PLSCR3: variants seen among roughly 807,000 people sequenced by gnomAD.
The protein encoded by PLSCR3 is phospholipid scramblase 3.
Under a neutral mutation model 33.7 loss-of-function variants are expected in PLSCR3, and 17 were observed. The observed-to-expected ratio is 0.50, with a 90% confidence interval of 0.35 to 0.76. The LOEUF (loss-of-function observed/expected upper bound fraction) is 0.76, where lower values mean the gene tolerates loss of function less well. Ranked by LOEUF, PLSCR3 falls within the 30% of genes least tolerant of loss-of-function variation. The pLI, the probability that PLSCR3 is intolerant of heterozygous loss-of-function variation, is 0.01. For synonymous variants in PLSCR3, 166 were observed against 166.0 expected (o/e 1.00, Z 0.00); for missense variants, 360 against 394.1 (o/e 0.91, Z 0.73).
At chr17:7,392,479 T>C (rs1349065017) in intron 6 of PLSCR3, among the ~76,000 whole-genome samples, 2 of 152,212 alleles carry the variant, frequency 1.3e-5, no homozygotes, top group East Asian at 3.8e-4. Context: ...AGCAGCCACA[T>C]GGGCCCGGCC....
chr17:7,393,922 G>A (rs1297312403), intron 2 of PLSCR3, 86 bp from the exon 3 acceptor site: 57 of 1,108,898 alleles, frequency 5.1e-5, no homozygotes, highest in Non-Finnish European at 6.9e-5. Context: ...GCGAGGCTTC[G>A]GGGGAAACGT....
In PLSCR3 at chr17:7,391,267, G is replaced by A. The variant is rs1022371720; in HGVS notation, c.670-472C>T. On this transcript the variant is annotated intron_variant, in intron 6 of 7. Transcript: ENST00000619711. The surrounding 1 kb of genome is among the most constrained non-coding windows in gnomAD (Gnocchi z 4.1). ...CTGGCTGTACTTCACCAGTCAAGAAGGCTCCTAGAAGGCTATGTCTACCCC... is the reference window on the plus strand; with the variant it reads ...CTGGCTGTACTTCACCAGTCAAGAAAGCTCCTAGAAGGCTATGTCTACCCC... Among the ~76,000 whole-genome samples, 2 of 152,214 alleles carry A rather than the reference G, an allele frequency of 1.3e-5. No individual in the cohort carries two copies. The highest frequency in any genetic ancestry group is 4.8e-5 in the African/African-American group (2 of 41,460).
chr17:7,390,629 C>CT lies in PLSCR3; in HGVS notation c.831+4dup. On this transcript the variant is annotated splice_donor_region_variant and intron_variant, in intron 7 of 7. Transcript: ENST00000619711. ...AGGAGGTGGGGGCAGGGGCAGCCAA[C>CT]TCACAATGAGGAATGTGGCTCCCAG... is the stretch of plus-strand genomic sequence containing the variant. The CT allele has an allele frequency of 1.9e-6, 3 of 1,613,856 alleles. No homozygotes were observed. The highest frequency in any genetic ancestry group is 2.5e-6 in the Non-Finnish European group (3 of 1,179,768).
chr17:7,393,845 C>T lies in PLSCR3; in HGVS notation c.8-9G>A. On this transcript the variant is annotated splice_polypyrimidine_tract_variant and intron_variant, in intron 2 of 7. Coordinates refer to ENST00000619711, the MANE Select transcript of PLSCR3 (RefSeq NM_020360.4). ...TTTGGGGGGCAAGTAGCCTGTAAAGCGGTGGGAGCAGGATAGATTAGAAAG... is the reference window on the plus strand; with the variant it reads ...TTTGGGGGGCAAGTAGCCTGTAAAGTGGTGGGAGCAGGATAGATTAGAAAG... 6.9e-7 allele frequency: 1 copy of T among 1,445,696 alleles called. No homozygotes were observed. Among genetic ancestry groups the T allele is most frequent in the Non-Finnish European group, 9.3e-7 (1 of 1,074,524 alleles). 89.6% of individuals were successfully genotyped at this position (1,445,696 alleles called of 1,614,324 possible).
rs754900459 is a variant in PLSCR3, at chr17:7,394,063, T to G, written c.7+41A>C. ...TGTTCAAACCCGGCTCCCAAGTCCG[T>G]GGGGGGGATAACGGAGACCCCCAGA... On this transcript the variant is annotated intron_variant, in intron 2 of 7. Coordinates refer to ENST00000619711, the MANE Select transcript of PLSCR3 (RefSeq NM_020360.4). The surrounding 1 kb of genome is among the most constrained non-coding windows in gnomAD (Gnocchi z 5.3). 2.5e-6 allele frequency: 4 copies of G among 1,604,378 alleles called. No individual in the cohort carries two copies. Among genetic ancestry groups the G allele is most frequent in the Non-Finnish European group, 3.4e-6 (4 of 1,174,122 alleles).
intron 6 of PLSCR3, among the ~76,000 whole-genome samples, chr17:7,392,413 T>C (rs1905781566): frequency 6.6e-6 from 1 of 152,158 alleles, no homozygotes; most frequent in Non-Finnish European, 1.5e-5. Context: ...GGCCACAGGA[T>C]GTTAACATGT....
In PLSCR3 at chr17:7,393,314, C is replaced by G; in HGVS notation, c.337G>C (p.Gly113Arg). The G allele has an allele frequency of 6.2e-7, 1 of 1,611,556 alleles. No homozygotes were observed. Among genetic ancestry groups the G allele is most frequent in the Non-Finnish European group, 8.5e-7 (1 of 1,179,860 alleles). The change falls in exon 5 of 8, where the codon GGG (glycine) becomes CGG (arginine). Residue 113 changes from glycine to arginine, a missense_variant. By Grantham distance (125) the Gly-to-Arg change is moderately radical. Coordinates refer to ENST00000619711, the MANE Select transcript of PLSCR3 (RefSeq NM_020360.4). ...TCGGCCGCCTGACCCAGGGGCTGCC[C>G]GGCCCCAGAGCGCAGTTCATACCGA... ...CNRYELRSGAGQPLGQAAEES... is the reference protein window; with the variant it reads ...CNRYELRSGARQPLGQAAEES...
At chr17:7,392,722 A>C (rs1232511262) in intron 6 of PLSCR3, 69 bp downstream of exon 6, 13 of 1,460,496 alleles carry the variant, frequency 8.9e-6, no homozygotes, top group African/African-American at 1.4e-5. Flanking sequence ...CTTAATGTTA[A>C]CTATCCTGCC....
rs8075287 is a variant in PLSCR3, at chr17:7,391,752, T to C, written c.670-957A>G. Among the ~76,000 whole-genome samples, 107,430 of 152,184 alleles carry C rather than the reference T, an allele frequency of 0.71. 40,226 individuals carry two copies. Among genetic ancestry groups the C allele is most frequent in the Non-Finnish European group, 0.85 (58,001 of 68,012 alleles). The stretch of plus-strand genomic sequence containing the variant: ...TCTTATTCCCAATTGGTTCTCATCA[T>C]GGAATCTCCCTCTGGCTACCAAGGT... On this transcript the variant is annotated intron_variant, in intron 6 of 7. Transcript: ENST00000619711. This position sits in a 1 kb window ranked among gnomAD's most constrained non-coding sequence, Gnocchi z 4.1.
In PLSCR3 at chr17:7,393,128, C is replaced by A. The variant is rs765184638; in HGVS notation, c.507+16G>T. On this transcript the variant is annotated intron_variant, in intron 5 of 7. Transcript: ENST00000619711. ...CCCACCAAGGCCCGCCCTCCCGGCC[C>A]CCTCCCTCCGCCCACCTCCTGGAGG... The A allele has an allele frequency of 6.2e-6, 9 of 1,443,312 alleles. No individual in the cohort carries two copies. The highest frequency in any genetic ancestry group is 8.2e-6 in the Non-Finnish European group (9 of 1,102,992). 89.4% of individuals were successfully genotyped at this position (1,443,312 alleles called of 1,614,324 possible).
chr17:7,394,278 G>A lies in PLSCR3; in HGVS notation c.-157-11C>T, dbSNP rs1023046377. On this transcript the variant is annotated splice_polypyrimidine_tract_variant and intron_variant, in intron 1 of 7. Coordinates refer to ENST00000619711, the MANE Select transcript of PLSCR3 (RefSeq NM_020360.4). The surrounding 1 kb of genome is among the most constrained non-coding windows in gnomAD (Gnocchi z 5.3). The stretch of plus-strand genomic sequence containing the variant: ...TCTTGGGCGGCGCCTCTGACTCGGG[G>A]AGAAACCCAAGTGTCAGTGGGCGGG... 13 of 603,732 alleles carry A rather than the reference G, an allele frequency of 2.2e-5. No individual in the cohort carries two copies. The highest frequency in any genetic ancestry group is 3.0e-5 in the Admixed American group (1 of 33,392). 37.4% of individuals were successfully genotyped at this position (603,732 alleles called of 1,614,324 possible). A position where few individuals can be genotyped will look rare whatever the true frequency, so the allele number is the denominator to read the frequency against.
Position 7,394,118 on chromosome 17 carries a change from G to A in PLSCR3, c.-8C>T, listed in dbSNP as rs1305553989. On this transcript the variant is annotated 5_prime_UTR_variant, in exon 2 of 8. Transcript: ENST00000619711. The surrounding 1 kb of genome is among the most constrained non-coding windows in gnomAD (Gnocchi z 5.3). Reference sequence around the variant, plus strand: ...CGCGCACTTACCTGCCATGGGAGAAGGGCTGGGGTTTTCGAGATGATGGTG... The same window carrying A: ...CGCGCACTTACCTGCCATGGGAGAAAGGCTGGGGTTTTCGAGATGATGGTG... The A allele has an allele frequency of 6.2e-7, 1 of 1,613,456 alleles. No homozygotes were observed. Among genetic ancestry groups the A allele is most frequent in the East Asian group, 2.2e-5 (1 of 44,864 alleles).
At position 7,393,272 on chromosome 17, in the gene PLSCR3, C is replaced by G. The variant is rs761612327; in HGVS notation, c.379G>C (p.Ala127Pro). Residue 127 changes from alanine to proline, a missense_variant, in exon 5 of 8, where the codon GCC (alanine) becomes CCC (proline). Physicochemically the swap from Ala to Pro is conservative, Grantham distance 27. Transcript: ENST00000619711. ...CGGCGGGCGCCACAGCACAGACGGG[C>G]GCAGCAGTTGCTCTCCTCGGCCGCC... ...GQAAEESNCC[A>P]RLCCGARRPL... is the part of the protein sequence containing the mutation. The G allele has an allele frequency of 8.1e-6, 13 of 1,606,272 alleles. No homozygotes were observed. The highest frequency in any genetic ancestry group is 1.7e-6 in the Non-Finnish European group (2 of 1,179,328).
chr17:7,394,214 A>T lies in PLSCR3; in HGVS notation c.-104T>A. The T allele has an allele frequency of 8.7e-7, 1 of 1,148,848 alleles. No individual in the cohort carries two copies. Among genetic ancestry groups the T allele is most frequent in the Non-Finnish European group, 1.3e-6 (1 of 781,500 alleles). The allele number at this position is 1,148,848 out of a possible 1,614,324, so 71.2% of individuals were successfully genotyped here. The stretch of plus-strand genomic sequence containing the variant: ...CAGACAGACACAGAGACAGACACAA[A>T]GACGGAGAGGCAGCTGCGCCCGGCG... On this transcript the variant is annotated 5_prime_UTR_variant, in exon 2 of 8. Transcript: ENST00000619711. The surrounding 1 kb of genome is among the most constrained non-coding windows in gnomAD (Gnocchi z 5.3).
rs373150040 is a variant in PLSCR3 at position 7,394,517 on chromosome 17, G to A, written c.-198C>T. The A allele has an allele frequency of 6.5e-4, 109 of 166,636 alleles. 1 individual carries two copies. In the East Asian group the frequency reaches 0.016, roughly 25 times the overall value. The allele number at this position is 166,636 out of a possible 1,614,324, so 10.3% of individuals were successfully genotyped here. On this transcript the variant is annotated 5_prime_UTR_variant, in exon 1 of 8. Transcript: ENST00000619711. This position sits in a 1 kb window ranked among gnomAD's most constrained non-coding sequence, Gnocchi z 5.3. ...GAGCCCGGGTGCCTAGCACTCGGCA[G>A]CTCACAGGAGCTGGCGGAGGCGGAG...
intron 4 of PLSCR3, 44 bp from the exon 5 acceptor site, chr17:7,393,408 C>T (rs1567652593): frequency 6.2e-7 from 1 of 1,613,394 alleles, no homozygotes; most frequent in Non-Finnish European, 8.5e-7. Flanking sequence ...CTCGCGCGCC[C>T]AGGAGCCCAC....
rs1597689606 is a variant in PLSCR3 at position 7,390,233 on chromosome 17, G to T, written c.*152C>A. ...CATACCCCTCCTTGGGAACCACAGGGGCAGGCGGCCAGGGAGTAGGGTAGG... is the reference window on the plus strand; with the variant it reads ...CATACCCCTCCTTGGGAACCACAGGTGCAGGCGGCCAGGGAGTAGGGTAGG... On this transcript the variant is annotated 3_prime_UTR_variant, in exon 8 of 8. Transcript: ENST00000619711. 3 of 581,308 alleles carry T rather than the reference G, an allele frequency of 5.2e-6. No homozygotes were observed. The East Asian group carries it at 8.5e-5, about 16-fold the overall frequency. The allele number at this position is 581,308 out of a possible 1,614,324, so 36.0% of individuals were successfully genotyped here. A position where few individuals can be genotyped will look rare whatever the true frequency, so the allele number is the denominator to read the frequency against.
intron 7 of PLSCR3, 63 bp from the exon 8 acceptor site, chr17:7,390,504 C>T: frequency 6.4e-7 from 1 of 1,566,500 alleles, no homozygotes; most frequent in South Asian, 1.2e-5. Flanking sequence ...CTGTCACAGG[C>T]CAGCTCTAGA....
Position 7,392,865 on chromosome 17 carries a change from C to T in PLSCR3, c.595G>A (p.Ala199Thr). The change falls in exon 6 of 8, where the codon GCC becomes ACC. Residue 199 changes from alanine to threonine, a missense_variant. Ala to Thr is a moderately conservative substitution (Grantham distance 58). Coordinates refer to ENST00000619711, the MANE Select transcript of PLSCR3 (RefSeq NM_020360.4). ...ACTCGCAAGACTGTCTGGCGATCGG[C>T]ATCCTGGATGGAGAACTTGGGGAGG... is the stretch of plus-strand genomic sequence containing the variant. Reference protein sequence around the residue: ...PFLPKFSIQDADRQTVLRVVG... With the variant: ...PFLPKFSIQDTDRQTVLRVVG... 6.2e-7 allele frequency: 1 copy of T among 1,614,160 alleles called. No homozygotes were observed. Among genetic ancestry groups the T allele is most frequent in the Non-Finnish European group, 8.5e-7 (1 of 1,180,028 alleles).
Sources: allele counts gnomAD v4.1 joint callset (sites outside exome capture counted in the v4.1 genomes callset), GRCh38; gene constraint gnomAD v4.1.1; non-coding constraint Gnocchi (gnomAD v3.1); transcripts MANE v1.5; gene names NCBI Gene and HGNC (gene_info 2026-07-23, HGNC 2026-07-21).